The following PKM variants were observed in gnomAD, a reference collection of about 807,000 sequenced individuals.
The protein encoded by PKM is pyruvate kinase PKM.
Under a neutral mutation model 49.8 loss-of-function variants are expected in PKM, and 18 were observed. The ratio of observed to expected loss-of-function variants is 0.36; its 90% CI spans 0.25 to 0.54. PKM has a LOEUF of 0.54. Ranked by LOEUF, PKM falls within the 20% of genes least tolerant of loss-of-function variation. The pLI is 0.89. For missense variants in PKM, 508 were observed against 713.8 expected (o/e 0.71, Z 3.28); for synonymous variants, 239 against 261.8 (o/e 0.91, Z 0.84).
chr15:72,209,707 A>G lies in PKM; in HGVS notation c.531T>C (p.Asp177=). The G allele has an allele frequency of 1.9e-6, 3 of 1,613,886 alleles. No homozygotes were observed. Among genetic ancestry groups the G allele is most frequent in the Non-Finnish European group, 2.5e-6 (3 of 1,179,952 alleles). The change falls in exon 5 of 11, where the codon GAT becomes GAC. Residue 177 remains aspartate, a synonymous_variant. Coordinates refer to ENST00000335181, the MANE Select transcript of PKM (RefSeq NM_002654.6). ...TCACCTGGAGAGAAATAAGCCCATC[A>G]TCCACGTAGATCTTGCTGCCCACTT... ...VVEVGSKIYV[D]DGLISLQVKQ...
At chr15:72,199,821 T>G (rs565436733) in intron 10 of PKM, 65 bp from the exon 11 acceptor site, 11 of 1,038,164 alleles carry the variant, frequency 1.1e-5, no homozygotes, top group Non-Finnish European at 1.6e-5. Context: ...CCTGGGCAGC[T>G]GCCCCATAGC....
intron 1 of PKM, among the ~76,000 whole-genome samples, chr15:72,225,969 A>G (rs1289317840): frequency 6.6e-6 from 1 of 152,152 alleles, no homozygotes; most frequent in African/African-American, 2.4e-5. Flanking sequence ...TGCCTTCCAC[A>G]CCTTTTTCCA....
At chr15:72,229,956 G>T (rs921490632) in intron 1 of PKM, among the ~76,000 whole-genome samples, 1 of 152,106 alleles carries the variant, frequency 6.6e-6, no homozygotes, top group East Asian at 1.9e-4. Flanking sequence ...AGAAAGAAAC[G>T]TGCCGGAGAG....
intron 9 of PKM, chr15:72,201,698 G>C (rs1487375104): frequency 1.3e-5 from 2 of 152,504 alleles, no homozygotes; most frequent in Non-Finnish European, 2.9e-5. Context: ...TCTGCTGAGG[G>C]CATCTGCACA....
At chr15:72,203,224 G>C in intron 8 of PKM, 1 of 1,584,520 alleles carries the variant, frequency 6.3e-7, no homozygotes, top group Non-Finnish European at 8.7e-7. Flanking sequence ...CAAGGAAGAG[G>C]GAAGGAGGAG....
chr15:72,207,745 G>A (rs2082123326), intron 6 of PKM, among the ~76,000 whole-genome samples: 1 of 152,246 alleles, frequency 6.6e-6, no homozygotes, highest in Admixed American at 6.5e-5. Context: ...GAAGGCAAGA[G>A]GGAATGTGGC....
rs1675046120 is a variant in PKM, at chr15:72,230,825, A to C, written c.-14+291T>G. On this transcript the variant is annotated intron_variant, in intron 1 of 10. Transcript: ENST00000335181. ...AGGCGAGGATGGAGGCGCATTGAGG[A>C]TTGGGGCAGGAGGAAGAGGATGGGA... The C allele has an allele frequency of 4.0e-6, 3 of 742,284 alleles. No individual in the cohort carries two copies. In the South Asian group the frequency reaches 4.6e-5, roughly 11 times the overall value. 46.0% of individuals were successfully genotyped at this position (742,284 alleles called of 1,614,324 possible). A position where few individuals can be genotyped will look rare whatever the true frequency, so the allele number is the denominator to read the frequency against.
At position 72,199,425 on chromosome 15, in the gene PKM, T is replaced by C. The variant is rs2081874726; in HGVS notation, c.*225A>G. ...AGTCCAGCATTCCTCCTTCTTCCCTTGATTGGGTGGGGCCACATGATGGGC... is the reference window on the plus strand; with the variant it reads ...AGTCCAGCATTCCTCCTTCTTCCCTCGATTGGGTGGGGCCACATGATGGGC... On this transcript the variant is annotated 3_prime_UTR_variant, in exon 11 of 11. Coordinates refer to ENST00000335181, the MANE Select transcript of PKM (RefSeq NM_002654.6). 1.3e-5 allele frequency: 9 copies of C among 689,006 alleles called. No homozygotes were observed. In the East Asian group the frequency reaches 2.5e-4, roughly 19 times the overall value. The allele number at this position is 689,006 out of a possible 1,614,324, so 42.7% of individuals were successfully genotyped here.
At chr15:72,203,609 TCCTGCCCAG>T (rs1442465241) in intron 8 of PKM, 4 of 281,308 alleles carry the variant, frequency 1.4e-5, no homozygotes, top group Non-Finnish European at 2.8e-5. Context: ...TTAGGCAGGC[TCCTGCCCAG>T]CCTCCATGCA....
intron 6 of PKM, 93 bp downstream of exon 6, chr15:72,208,528 A>C: frequency 2.9e-6 from 4 of 1,372,338 alleles, no homozygotes; most frequent in Non-Finnish European, 4.2e-6. Context: ...CTACATTCTG[A>C]TGGGCTAGGG....
chr15:72,210,064 T>A, intron 4 of PKM: 2 of 633,894 alleles, frequency 3.2e-6, no homozygotes, highest in Non-Finnish European at 5.6e-6. Context: ...TGCTACTTAA[T>A]GATGGGGAAA....
chr15:72,219,180 G>T, intron 1 of PKM, 70 bp from the exon 2 acceptor site: 3 of 1,378,788 alleles, frequency 2.2e-6, no homozygotes, highest in Non-Finnish European at 2.0e-6. Context: ...AGCACAGAAG[G>T]CTGTCTCCTG....
At chr15:72,206,620 G>A in intron 8 of PKM, 108 bp downstream of exon 8, 1 of 1,070,638 alleles carries the variant, frequency 9.3e-7, no homozygotes, top group South Asian at 1.3e-5. Context: ...GATAATGAAA[G>A]GCTGTGCATA....
Position 72,231,156 on chromosome 15 carries a change from G to A in PKM, c.-54C>T. On this transcript the variant is annotated 5_prime_UTR_variant, in exon 1 of 11. Transcript: ENST00000335181. ...ACTCGGGCTACGCTGCAAAGACGAA[G>A]AGATCCGGAGCCACGGCGCGTGCAG... 1 of 296,736 alleles carries A rather than the reference G, an allele frequency of 3.4e-6. No homozygotes were observed. Among genetic ancestry groups the A allele is most frequent in the Non-Finnish European group, 7.0e-6 (1 of 142,052 alleles). 18.4% of individuals were successfully genotyped at this position (296,736 alleles called of 1,614,324 possible).
At chr15:72,208,214 G>A (rs536279105) in intron 6 of PKM, among the ~76,000 whole-genome samples, 1 of 152,158 alleles carries the variant, frequency 6.6e-6, no homozygotes, top group Non-Finnish European at 1.5e-5. Flanking sequence ...TCCCCAGGAA[G>A]GGCCAAAAAG....
Position 72,202,548 on chromosome 15 carries a change from T to C in PKM, c.1213A>G (p.Thr405Ala). The C allele has an allele frequency of 6.2e-7, 1 of 1,613,558 alleles. No individual in the cohort carries two copies. The change falls in exon 9 of 11, where the codon ACC becomes GCC. Residue 405 changes from threonine (T) to alanine (A), a missense_variant. By Grantham distance (58) the Thr-to-Ala change is moderately conservative (BLOSUM62 0). Coordinates refer to ENST00000335181, the MANE Select transcript of PKM (RefSeq NM_002654.6). This position sits in a 1 kb window ranked among gnomAD's most constrained non-coding sequence, Gnocchi z 4.5. ...FEELRRLAPITSDPTEATAVG... is the reference protein window; with the variant it reads ...FEELRRLAPIASDPTEATAVG... ...GCGGTGGCTTCTGTGGGGTCGCTGGTAATGGGCGCCAGGCGGCGGAGTTCC... is the reference window on the plus strand; with the variant it reads ...GCGGTGGCTTCTGTGGGGTCGCTGGCAATGGGCGCCAGGCGGCGGAGTTCC...
intron 2 of PKM, among the ~76,000 whole-genome samples, chr15:72,218,190 T>C (rs2082422229): frequency 6.6e-6 from 1 of 151,992 alleles, no homozygotes; most frequent in Non-Finnish European, 1.5e-5. Context: ...AATGGTCAGA[T>C]CTCAGCTCAC....
In PKM at chr15:72,199,605, G is replaced by A; in HGVS notation, c.*45C>T. The A allele has an allele frequency of 2.2e-6, 3 of 1,360,400 alleles. No homozygotes were observed. Among genetic ancestry groups the A allele is most frequent in the Non-Finnish European group, 3.2e-6 (3 of 951,348 alleles). The allele number at this position is 1,360,400 out of a possible 1,614,324, so 84.3% of individuals were successfully genotyped here. A position where few individuals can be genotyped will look rare whatever the true frequency, so the allele number is the denominator to read the frequency against. Reference sequence around the variant, plus strand: ...GTTGCTGGCCTAATGGATGGGCTGGGGGAAGGGGGTGGGACAGGGGCTGGA... The same window carrying A: ...GTTGCTGGCCTAATGGATGGGCTGGAGGAAGGGGGTGGGACAGGGGCTGGA... On this transcript the variant is annotated 3_prime_UTR_variant, in exon 11 of 11. Coordinates refer to ENST00000335181, the MANE Select transcript of PKM (RefSeq NM_002654.6).
chr15:72,200,667 T>C lies in PKM; in HGVS notation c.1308-12A>G, dbSNP rs201259900. On this transcript the variant is annotated splice_polypyrimidine_tract_variant and intron_variant, in intron 9 of 10. Transcript: ENST00000335181. The surrounding 1 kb of genome is among the most constrained non-coding windows in gnomAD (Gnocchi z 4.6). Reference sequence around the variant, plus strand: ...CCTGGTGAGCAGACCTGAGATGGGATGGGGGACATACAGAAGAGACCATTA... The same window carrying C: ...CCTGGTGAGCAGACCTGAGATGGGACGGGGGACATACAGAAGAGACCATTA... 13 of 1,609,334 alleles carry C rather than the reference T, an allele frequency of 8.1e-6. No individual in the cohort carries two copies. Among genetic ancestry groups the C allele is most frequent in the Non-Finnish European group, 1.1e-5 (13 of 1,176,794 alleles).
Sources: gnomAD v4.1 joint callset for allele counts (sites outside exome capture counted in the v4.1 genomes callset) on GRCh38, gnomAD v4.1.1 for gene constraint, Gnocchi (gnomAD v3.1) non-coding constraint, MANE v1.5 for transcripts, NCBI Gene and HGNC (gene_info 2026-07-23, HGNC 2026-07-21) for gene names.